CHD1L: variants seen among roughly 807,000 people sequenced by gnomAD.
The protein encoded by CHD1L is chromodomain helicase DNA binding protein 1 like.
CHD1L carries 118 observed loss-of-function variants against 115.9 expected under a neutral mutation model. The observed-to-expected ratio is 1.02, with a 90% CI of 0.88 to 1.19. The LOEUF is 1.19. CHD1L is among the 50% of genes most tolerant of loss of function. The pLI, the probability that CHD1L is intolerant of heterozygous loss-of-function variation, is 0.00. For missense variants in CHD1L, 1,179 were observed against 1,065.3 expected (o/e 1.11, Z -1.49); for synonymous variants, 411 against 387.1 (o/e 1.06, Z -0.72).
intron 8 of CHD1L, 92 bp downstream of exon 8, chr1:147,266,179 C>A: frequency 8.3e-7 from 1 of 1,202,604 alleles, no homozygotes; most frequent in Non-Finnish European, 1.2e-6. Context: ...TTGTATGATC[C>A]CAAGAATATG....
In CHD1L at chr1:147,259,941, G is replaced by C. The variant is rs188747662; in HGVS notation, c.576+23G>C. ...GAGGTAAACTTACAGTGTAGCCTTAGTTTTTATATAACCCCTTCTTTTTAA... is the reference window on the plus strand; with the variant it reads ...GAGGTAAACTTACAGTGTAGCCTTACTTTTTATATAACCCCTTCTTTTTAA... On this transcript the variant is annotated intron_variant, in intron 6 of 22. Transcript: ENST00000369258. 1.3e-5 allele frequency: 20 copies of C among 1,555,034 alleles called. No homozygotes were observed. In the African/African-American group the frequency reaches 2.6e-4, roughly 20 times the overall value.
At chr1:147,184,733 T>C in the CHD1L span, 7 of 1,287,084 alleles carry the variant, frequency 5.4e-6, no homozygotes, top group Non-Finnish European at 5.0e-6. The surrounding 1 kb of genome is among the most constrained non-coding windows in gnomAD (Gnocchi z 4.4). Flanking sequence ...TTACTGTTAG[T>C]GTTAATCTTG....
chr1:147,242,862 C>T, intron 1 of CHD1L, 32 bp downstream of exon 1: 1 of 1,264,018 alleles, frequency 7.9e-7, no homozygotes, highest in African/African-American at 1.5e-5. Context: ...TTCGGCCAGG[C>T]GGGCCAACCT....
Position 147,275,370 on chromosome 1 carries a change from C to CT in CHD1L, c.1289dup (p.Leu430PhefsTer11). The stretch of plus-strand genomic sequence containing the variant: ...TGTTTTCAGGTGGAGTTGGCATGAA[C>CT]TTAACAGCAGCAGATACTGTGATTT... On this transcript the variant is annotated frameshift_variant, in exon 13 of 23. Coordinates refer to ENST00000369258, the MANE Select transcript of CHD1L (RefSeq NM_004284.6). LOFTEE classifies it high-confidence loss of function. 6.2e-7 allele frequency: 1 copy of CT among 1,613,888 alleles called. No homozygotes were observed. Among genetic ancestry groups the CT allele is most frequent in the Non-Finnish European group, 8.5e-7 (1 of 1,179,782 alleles).
At chr1:147,242,210 T>A (rs1275148820), upstream of CHD1L, among the ~76,000 whole-genome samples, 1 of 152,100 alleles carries the variant, frequency 6.6e-6, no homozygotes, top group Non-Finnish European at 1.5e-5. Flanking sequence ...GGCCTACAGG[T>A]CACAGGCAGT....
At chr1:147,197,693 A>G in the CHD1L span, among the ~76,000 whole-genome samples, 1 of 152,160 alleles carries the variant, frequency 6.6e-6, no homozygotes, top group Non-Finnish European at 1.5e-5. Context: ...CTCCCCAGCC[A>G]TGCAGAACTG....
intron 2 of CHD1L, among the ~76,000 whole-genome samples, chr1:147,254,016 A>G (rs78131159): frequency 0.015 from 2,243 of 152,320 alleles, 25 homozygotes; most frequent in Non-Finnish European, 0.023. Context: ...TTGTGCTTGT[A>G]GCTTTCTCAG....
the CHD1L span, among the ~76,000 whole-genome samples, chr1:147,177,252 C>T: frequency 6.6e-6 from 1 of 151,970 alleles, no homozygotes; most frequent in Non-Finnish European, 1.5e-5. Flanking sequence ...GACATAGGAG[C>T]CAACTAAAAG....
the CHD1L span, chr1:147,224,089 C>G: frequency 2.7e-6 from 1 of 364,282 alleles, no homozygotes; most frequent in Non-Finnish European, 5.4e-6. Flanking sequence ...AAATGGGGGT[C>G]CCTTACTGCA....
chr1:147,260,450 A>G (rs1351774497), intron 6 of CHD1L: 1 of 152,192 alleles, frequency 6.6e-6, no homozygotes, highest in African/African-American at 2.4e-5. Context: ...AGTACTAAAT[A>G]TGGCCTAACT....
At chr1:147,214,466 C>CAAAA in the CHD1L span, among the ~76,000 whole-genome samples, 3 of 148,308 alleles carry the variant, frequency 2.0e-5, no homozygotes, top group African/African-American at 7.4e-5. Context: ...AAACAAAAAA[C>CAAAA]AAAAAAAAAA....
At chr1:147,208,795 G>C in the CHD1L span, 3 of 1,425,978 alleles carry the variant, frequency 2.1e-6, no homozygotes, top group Non-Finnish European at 2.0e-6. Context: ...CCAGTGTGAA[G>C]AGTCCTTATT....
At chr1:147,248,292 C>T (rs1667277628) in intron 1 of CHD1L, among the ~76,000 whole-genome samples, 1 of 151,998 alleles carries the variant, frequency 6.6e-6, no homozygotes, top group African/African-American at 2.4e-5. Context: ...ACCGCAACCT[C>T]CTGCCTCCCA....
At chr1:147,250,122 G>T (rs1667948981) in intron 1 of CHD1L, among the ~76,000 whole-genome samples, 1 of 151,646 alleles carries the variant, frequency 6.6e-6, no homozygotes, top group Non-Finnish European at 1.5e-5. Flanking sequence ...GAGGTTTCCT[G>T]TTTTTTTCAG....
the CHD1L span, chr1:147,208,563 C>G: frequency 3.8e-6 from 1 of 264,896 alleles, no homozygotes; most frequent in South Asian, 4.5e-5. Flanking sequence ...CCTCAGCCTC[C>G]TGAATAGCTG....
intron 14 of CHD1L, among the ~76,000 whole-genome samples, chr1:147,278,756 TAAG>T (rs1458506969): frequency 1.3e-5 from 2 of 152,052 alleles, no homozygotes; most frequent in African/African-American, 2.4e-5. Context: ...TTTCAGTAAA[TAAG>T]AATAACAGCA....
the CHD1L span, among the ~76,000 whole-genome samples, chr1:147,216,966 C>T: frequency 6.6e-6 from 1 of 152,174 alleles, no homozygotes; most frequent in Non-Finnish European, 1.5e-5. Flanking sequence ...TGAGGCCGGG[C>T]GTGGTGGCTC....
chr1:147,294,188 A>T (rs587654011), intron 21 of CHD1L, among the ~76,000 whole-genome samples: 1 of 152,326 alleles, frequency 6.6e-6, no homozygotes, highest in Non-Finnish European at 1.5e-5. Context: ...TCCACCAATC[A>T]TAATCTATTT....
the CHD1L span, chr1:147,178,620 C>T: frequency 1.3e-6 from 2 of 1,595,780 alleles, no homozygotes; most frequent in East Asian, 2.2e-5. Flanking sequence ...AAGCTCACTC[C>T]GAGTTCCTAA....
Sources: allele counts gnomAD v4.1 joint callset (sites outside exome capture counted in the v4.1 genomes callset), GRCh38; gene constraint gnomAD v4.1.1; non-coding constraint Gnocchi (gnomAD v3.1); transcripts MANE v1.5; gene names NCBI Gene and HGNC (gene_info 2026-07-23, HGNC 2026-07-21).